The following TRAPPC9 variants were observed in gnomAD, a reference collection of about 807,000 sequenced individuals.
TRAPPC9 encodes the protein trafficking protein particle complex subunit 9.
TRAPPC9 carries 83 observed loss-of-function variants against 124.0 expected under a neutral mutation model. The observed-to-expected ratio is 0.67, with a 90% CI of 0.56 to 0.80. TRAPPC9 has a LOEUF of 0.80. Ranked by LOEUF, TRAPPC9 falls within the 30% of genes least tolerant of loss-of-function variation. The probability of loss-of-function intolerance (pLI) is 0.00; values close to 1 mark genes in which losing one functional copy is unlikely to be tolerated. For synonymous variants in TRAPPC9, 638 were observed against 617.5 expected (o/e 1.03, Z -0.49); for missense variants, 1,302 against 1,508.3 (o/e 0.86, Z 2.27).
chr8:140,131,011 T>G (rs2061200338), intron 17 of TRAPPC9, among the ~76,000 whole-genome samples: 1 of 152,218 alleles, frequency 6.6e-6, no homozygotes, highest in Non-Finnish European at 1.5e-5. Context: ...ATGAATAGAT[T>G]TTTAATAAGC....
At chr8:140,335,705 A>ATATT (rs1554669889) in intron 9 of TRAPPC9, among the ~76,000 whole-genome samples, 2 of 131,692 alleles carry the variant, frequency 1.5e-5, no homozygotes, top group Non-Finnish European at 3.1e-5. Flanking sequence ...AGTCTTCACA[A>ATATT]TTTTTTTTTT....
Position 140,339,336 on chromosome 8 carries a change from C to T in TRAPPC9, c.1495+20714G>A, listed in dbSNP as rs139853987. Among the ~76,000 whole-genome samples the T allele has an allele frequency of 3.8e-3, 578 of 152,334 alleles. 5 individuals are homozygous for T. The highest frequency in any genetic ancestry group is 0.031 in the Middle Eastern group (9 of 294). On this transcript the variant is annotated intron_variant, in intron 9 of 22. Transcript: ENST00000438773. ...ATGGCAAGATTAATTTTTACAGTAT[C>T]TAATAATTATTCTCTGTCACTTCAC...
At chr8:140,192,683 G>A (rs1427185520) in intron 17 of TRAPPC9, among the ~76,000 whole-genome samples, 1 of 152,220 alleles carries the variant, frequency 6.6e-6, no homozygotes, top group South Asian at 2.1e-4. Context: ...TGTCACATGG[G>A]TAACTATTAA....
At chr8:140,425,558 C>CCATT (rs1564015794) in intron 5 of TRAPPC9, among the ~76,000 whole-genome samples, 6 of 152,268 alleles carry the variant, frequency 3.9e-5, no homozygotes, top group African/African-American at 1.4e-4. Flanking sequence ...TTTCTTATAG[C>CCATT]TCTAAGCTAC....
intron 4 of TRAPPC9, among the ~76,000 whole-genome samples, chr8:140,433,566 G>A (rs952628666): frequency 6.6e-6 from 1 of 152,130 alleles, no homozygotes; most frequent in African/African-American, 2.4e-5. Flanking sequence ...CTCCAGCCCA[G>A]GTGACAGAGC....
chr8:139,762,384 G>A (rs182004490), intron 21 of TRAPPC9, among the ~76,000 whole-genome samples: 9 of 152,252 alleles, frequency 5.9e-5, no homozygotes, highest in Admixed American at 3.9e-4. Context: ...TCTGAGAAAT[G>A]CGTCATTAGG....
chr8:140,386,638 T>G (rs2068762186), intron 7 of TRAPPC9, among the ~76,000 whole-genome samples: 1 of 152,076 alleles, frequency 6.6e-6, no homozygotes, highest in African/African-American at 2.4e-5. Flanking sequence ...CAAGGAGAAC[T>G]ACAAACCACT....
At chr8:140,220,441 A>C (rs1036414534) in intron 17 of TRAPPC9, among the ~76,000 whole-genome samples, 20 of 152,284 alleles carry the variant, frequency 1.3e-4, no homozygotes, top group African/African-American at 4.8e-4. Context: ...GCTGCCGTGC[A>C]AACAGAAGCT....
At chr8:139,880,667 A>T (rs1178175748) in intron 21 of TRAPPC9, among the ~76,000 whole-genome samples, 1 of 152,246 alleles carries the variant, frequency 6.6e-6, no homozygotes, top group African/African-American at 2.4e-5. Context: ...ATCCCTAAAA[A>T]GGTTCATAGC....
chr8:140,006,745 A>G (rs1563683932), intron 18 of TRAPPC9, among the ~76,000 whole-genome samples: 2 of 152,234 alleles, frequency 1.3e-5, no homozygotes, highest in Admixed American at 1.3e-4. Context: ...GTTTCCATTT[A>G]TATGAAATAT....
intron 21 of TRAPPC9, among the ~76,000 whole-genome samples, chr8:139,828,826 T>C (rs975272455): frequency 3.9e-5 from 6 of 152,240 alleles, no homozygotes; most frequent in African/African-American, 1.4e-4. Flanking sequence ...AATCTCAGCA[T>C]GAAACCAATG....
intron 16 of TRAPPC9, among the ~76,000 whole-genome samples, chr8:140,236,796 C>T (rs2063741220): frequency 6.6e-6 from 1 of 152,190 alleles, no homozygotes; most frequent in African/African-American, 2.4e-5. Context: ...ACCATAAACA[C>T]GTCACTTCTC....
At chr8:139,738,883 C>T (rs1245847130) in intron 21 of TRAPPC9, among the ~76,000 whole-genome samples, 1 of 152,104 alleles carries the variant, frequency 6.6e-6, no homozygotes, top group Non-Finnish European at 1.5e-5. Context: ...CCTCGGTTTC[C>T]TCATTTGGAA....
chr8:139,853,241 T>A (rs921994954), intron 21 of TRAPPC9, among the ~76,000 whole-genome samples: 4 of 152,274 alleles, frequency 2.6e-5, no homozygotes, highest in Admixed American at 2.6e-4. Context: ...ATGTGCAGGA[T>A]GCTTGCCCTT....
intron 17 of TRAPPC9, among the ~76,000 whole-genome samples, chr8:140,139,459 T>C (rs2061351181): frequency 6.6e-6 from 1 of 152,118 alleles, no homozygotes. Context: ...TGTGAATACG[T>C]GCACCAAAAA....
chr8:140,235,739 T>A (rs2063714903), intron 16 of TRAPPC9, among the ~76,000 whole-genome samples: 1 of 152,214 alleles, frequency 6.6e-6, no homozygotes, highest in Non-Finnish European at 1.5e-5. Context: ...TGGCTATGGA[T>A]CTATTAAAGC....
chr8:140,091,212 C>T (rs1458225889), intron 17 of TRAPPC9, among the ~76,000 whole-genome samples: 6 of 152,186 alleles, frequency 3.9e-5, no homozygotes, highest in African/African-American at 1.4e-4. Flanking sequence ...GCAGGCTCTC[C>T]GTCTCCTGCC....
chr8:140,285,389 T>C (rs982099446), intron 13 of TRAPPC9, among the ~76,000 whole-genome samples: 3 of 152,194 alleles, frequency 2.0e-5, no homozygotes, highest in Non-Finnish European at 2.9e-5. Flanking sequence ...TGAAGCTTGA[T>C]CACTGCTGTC....
intron 17 of TRAPPC9, among the ~76,000 whole-genome samples, chr8:140,036,081 C>T (rs925408105): frequency 5.3e-5 from 8 of 152,156 alleles, no homozygotes; most frequent in Non-Finnish European, 7.3e-5. Context: ...GTCCATGTGG[C>T]GGGGCTACAG....
Sources: allele counts gnomAD v4.1 joint callset (sites outside exome capture counted in the v4.1 genomes callset), GRCh38; gene constraint gnomAD v4.1.1; transcripts MANE v1.5; gene names NCBI Gene and HGNC (gene_info 2026-07-23, HGNC 2026-07-21).